The following SPATA13 variants were observed in gnomAD, a reference collection of about 807,000 sequenced individuals.
SPATA13 encodes the protein spermatogenesis associated 13.
Under a neutral mutation model 104.0 loss-of-function variants are expected in SPATA13, and 50 were observed. That is an observed-to-expected ratio of 0.48 (90% CI 0.38 to 0.61). SPATA13 has a LOEUF of 0.61. SPATA13 is among the 20% of genes least tolerant of loss of function. SPATA13 has a pLI of 0.00. For synonymous variants in SPATA13, 606 were observed against 667.5 expected (o/e 0.91, Z 1.42); for missense variants, 1,524 against 1,690.6 (o/e 0.90, Z 1.73).
At chr13:24,075,197 T>C (rs1237560776) in intron 3 of SPATA13, among the ~76,000 whole-genome samples, 1 of 152,238 alleles carries the variant, frequency 6.6e-6, no homozygotes, top group African/African-American at 2.4e-5. Context: ...TGTATGTAGC[T>C]ACTATTACTC....
chr13:24,196,469 T>C (rs888248767), intron 1 of SPATA13, among the ~76,000 whole-genome samples: 9 of 152,214 alleles, frequency 5.9e-5, no homozygotes, highest in Non-Finnish European at 1.0e-4. Flanking sequence ...TTCCAATTTG[T>C]GTAGAACTGA....
chr13:24,222,824 G>A lies in SPATA13; in HGVS notation c.-106G>A, dbSNP rs1339094329. 6.6e-7 allele frequency: 1 copy of A among 1,518,420 alleles called. No individual in the cohort carries two copies. The highest frequency in any genetic ancestry group is 8.9e-7 in the Non-Finnish European group (1 of 1,127,580). The allele number at this position is 1,518,420 out of a possible 1,614,324, so 94.1% of individuals were successfully genotyped here. Reference sequence around the variant, plus strand: ...TGCTTTGTCTTTCACTGCAGCCCGTGGCCACCCAGGAGCCCGATGTGCAAG... The same window carrying A: ...TGCTTTGTCTTTCACTGCAGCCCGTAGCCACCCAGGAGCCCGATGTGCAAG... On this transcript the variant is annotated 5_prime_UTR_variant, in exon 2 of 13. Coordinates refer to ENST00000382108, the MANE Select transcript of SPATA13 (RefSeq NM_001166271.3).
chr13:24,126,206 G>A (rs375859526), intron 3 of SPATA13, among the ~76,000 whole-genome samples: 13 of 152,290 alleles, frequency 8.5e-5, no homozygotes, highest in South Asian at 6.2e-4. Context: ...GAAGTCATGG[G>A]GGCAGGAGCC....
chr13:24,008,513 T>G (rs1028303486), intron 2 of SPATA13, among the ~76,000 whole-genome samples: 5 of 151,736 alleles, frequency 3.3e-5, no homozygotes, highest in African/African-American at 4.8e-5. Context: ...GACGGTCTTG[T>G]TGGTGGTGAC....
At chr13:24,138,676 T>C (rs1881653400) in intron 3 of SPATA13, among the ~76,000 whole-genome samples, 1 of 151,990 alleles carries the variant, frequency 6.6e-6, no homozygotes, top group Non-Finnish European at 1.5e-5. Flanking sequence ...CTTGAACTCC[T>C]GGGCTCAAGT....
intron 1 of SPATA13, among the ~76,000 whole-genome samples, chr13:24,181,772 T>TTG (rs386378489): frequency 3.3e-5 from 5 of 151,680 alleles, no homozygotes; most frequent in East Asian, 3.9e-4. Context: ...TTTTTTTTTT[T>TTG]TTGTTAAAGT....
chr13:24,254,467 A>G (rs1406208045), intron 4 of SPATA13: 1 of 152,000 alleles, frequency 6.6e-6, no homozygotes, highest in African/African-American at 2.4e-5. Context: ...CTGTAACTTC[A>G]TTTTTATTTG....
rs1029932327 is a variant in SPATA13 at position 24,088,290 on chromosome 13, C to T, written c.-112+70589C>T. On this transcript the variant is annotated intron_variant, in intron 3 of 14. Transcript: ENST00000424834. The surrounding 1 kb of genome is among the most constrained non-coding windows in gnomAD (Gnocchi z 4.3). ...CAGATGAGCACACCGAGGCTCAGAGCGGTAAGGAATTGGCCCGCAGTCACA... is the reference window on the plus strand; with the variant it reads ...CAGATGAGCACACCGAGGCTCAGAGTGGTAAGGAATTGGCCCGCAGTCACA... Among the ~76,000 whole-genome samples the T allele has an allele frequency of 6.6e-5, 10 of 152,082 alleles. No homozygotes were observed. The highest frequency in any genetic ancestry group is 1.2e-4 in the Non-Finnish European group (8 of 68,016).
intron 4 of SPATA13, 119 bp downstream of exon 4, chr13:24,251,981 C>G: frequency 7.8e-7 from 1 of 1,289,134 alleles, no homozygotes; most frequent in Non-Finnish European, 1.1e-6. Flanking sequence ...GCGCGTTTGT[C>G]TGGGAGTGAG....
At chr13:24,130,142 G>C (rs1355827598) in intron 3 of SPATA13, among the ~76,000 whole-genome samples, 1 of 152,216 alleles carries the variant, frequency 6.6e-6, no homozygotes, top group African/African-American at 2.4e-5. Context: ...GCTGAGGCAG[G>C]TTTGCACCCT....
chr13:24,159,546 G>C (rs2138481629), upstream of SPATA13, among the ~76,000 whole-genome samples: 1 of 152,274 alleles, frequency 6.6e-6, no homozygotes, highest in South Asian at 2.1e-4. Context: ...TTACATTCGA[G>C]TGGCACATGT....
intron 4 of SPATA13, among the ~76,000 whole-genome samples, chr13:24,282,631 G>A (rs1875628228): frequency 6.6e-6 from 1 of 152,142 alleles, no homozygotes; most frequent in South Asian, 2.1e-4. Flanking sequence ...CTCCCCAGCT[G>A]GCTTCCCTGG....
intron 3 of SPATA13, among the ~76,000 whole-genome samples, chr13:24,058,756 G>A (rs1878663341): frequency 6.6e-6 from 1 of 151,790 alleles, no homozygotes. Flanking sequence ...TATGATTTAT[G>A]TTGGGAGCTA....
chr13:23,980,279 C>A (rs549340459), intron 1 of SPATA13, among the ~76,000 whole-genome samples: 52 of 152,332 alleles, frequency 3.4e-4, no homozygotes, highest in African/African-American at 1.2e-3. Flanking sequence ...ACAAAGCCAG[C>A]CTGGCGGTCG....
At position 24,122,865 on chromosome 13, in the gene SPATA13, T is replaced by G. The variant is rs1044798936; in HGVS notation, c.-111-99954T>G. On this transcript the variant is annotated intron_variant, in intron 3 of 14. Coordinates refer to the SPATA13 transcript ENST00000424834. ...CTCATAGAATTCTAAGACATGCTGT[T>G]GTAAAACAGTAGGAACGACCTGTAA... 1.6e-5 allele frequency: 12 copies of G among 773,494 alleles called. No individual in the cohort carries two copies. In the African/African-American group the frequency reaches 2.0e-4, roughly 13 times the overall value. The allele number at this position is 773,494 out of a possible 1,614,324, so 47.9% of individuals were successfully genotyped here.
chr13:24,278,956 CCTTCCTTCCCTCCT>C, intron 4 of SPATA13: 1 of 652,714 alleles, frequency 1.5e-6, no homozygotes, highest in Non-Finnish European at 2.3e-6. Flanking sequence ...TTCCCTCCTT[CCTTCCTTCCCTCCT>C]TCCCTCCCTC....
chr13:24,269,351 GT>G (rs1566181705), intron 4 of SPATA13, among the ~76,000 whole-genome samples: 1 of 151,848 alleles, frequency 6.6e-6, no homozygotes, highest in East Asian at 1.9e-4. Context: ...ACTATCACTT[GT>G]TTAACATGTA....
chr13:24,229,106 T>G (rs556275301), intron 2 of SPATA13, among the ~76,000 whole-genome samples: 1 of 152,232 alleles, frequency 6.6e-6, no homozygotes, highest in African/African-American at 2.4e-5. Context: ...ATTTACTTGT[T>G]GACAGTGCTG....
At position 24,190,277 on chromosome 13, in the gene SPATA13, T is replaced by C. The variant is rs1195968213; in HGVS notation, c.-112+29345T>C. On this transcript the variant is annotated intron_variant, in intron 1 of 12. Transcript: ENST00000382108. ...ATAATATACATAATATATATTATTA[T>C]ATATAATATATAATATTATATATTA... Among the ~76,000 whole-genome samples, 29 of 15,124 alleles carry C rather than the reference T, an allele frequency of 1.9e-3. 4 individuals are homozygous for C. The highest frequency in any genetic ancestry group is 2.3e-3 in the African/African-American group (29 of 12,588). 9.9% of individuals were successfully genotyped at this position (15,124 alleles called of 152,430 possible). A position where few individuals can be genotyped will look rare whatever the true frequency, so the allele number is the denominator to read the frequency against.
Sources: allele counts gnomAD v4.1 joint callset (sites outside exome capture counted in the v4.1 genomes callset), GRCh38; gene constraint gnomAD v4.1.1; non-coding constraint Gnocchi (gnomAD v3.1); transcripts MANE v1.5; gene names NCBI Gene and HGNC (gene_info 2026-07-23, HGNC 2026-07-21).